The following WDPCP variants were observed in gnomAD, a reference collection of about 807,000 sequenced individuals.
WDPCP encodes WD repeat containing planar cell polarity effector.
In WDPCP, 71 loss-of-function variants were observed where a neutral mutation model predicts 93.1. The observed-to-expected ratio is 0.76, with a 90% CI of 0.63 to 0.93. The LOEUF (loss-of-function observed/expected upper bound fraction) is 0.93. WDPCP is among the 40% of genes least tolerant of loss of function. The pLI is 0.00. For missense variants in WDPCP, 844 were observed against 887.4 expected (o/e 0.95, Z 0.62); for synonymous variants, 315 against 315.0 (o/e 1.00, Z 0.00).
chr2:63,550,598 C>T (rs1283961301), intron 1 of WDPCP, among the ~76,000 whole-genome samples: 2 of 147,208 alleles, frequency 1.4e-5, no homozygotes, highest in Non-Finnish European at 3.1e-5. Context: ...CTTAGGTCCT[C>T]TTCTATCTGC....
chr2:63,148,242 G>A (rs1441145324), intron 17 of WDPCP, among the ~76,000 whole-genome samples: 1 of 152,024 alleles, frequency 6.6e-6, no homozygotes, highest in African/African-American at 2.4e-5. Flanking sequence ...TGGGAGGATG[G>A]CTTGAGCTTG....
chr2:63,314,068 G>A (rs1001350267), intron 12 of WDPCP, among the ~76,000 whole-genome samples: 1 of 150,470 alleles, frequency 6.6e-6, no homozygotes, highest in Non-Finnish European at 1.5e-5. Context: ...TAGTAGAGAT[G>A]GTGATTCACC....
At chr2:63,398,885 C>T (rs1693946842) in intron 10 of WDPCP, among the ~76,000 whole-genome samples, 1 of 152,122 alleles carries the variant, frequency 6.6e-6, no homozygotes, top group African/African-American at 2.4e-5. Context: ...CCAGAATCAG[C>T]ACTGACAAAT....
chr2:63,473,762 T>C (rs1699817589), intron 6 of WDPCP, among the ~76,000 whole-genome samples: 1 of 152,178 alleles, frequency 6.6e-6, no homozygotes, highest in African/African-American at 2.4e-5. Flanking sequence ...TAAGAGGAAA[T>C]GAGAATAATA....
intron 10 of WDPCP, among the ~76,000 whole-genome samples, chr2:63,388,322 A>C (rs1692919386): frequency 6.6e-6 from 1 of 152,144 alleles, no homozygotes; most frequent in African/African-American, 2.4e-5. Flanking sequence ...GACTGTTAGA[A>C]GGAAAACTAA....
chr2:63,177,555 T>G (rs1032439182), intron 14 of WDPCP, among the ~76,000 whole-genome samples: 3 of 152,226 alleles, frequency 2.0e-5, no homozygotes, highest in African/African-American at 7.2e-5. Context: ...GTGTCAGAAA[T>G]GCAATGAATT....
chr2:63,323,602 C>A (rs1186366716), intron 12 of WDPCP, among the ~76,000 whole-genome samples: 3 of 152,260 alleles, frequency 2.0e-5, no homozygotes, highest in African/African-American at 7.2e-5. Flanking sequence ...CCCTCCACTT[C>A]ATTTGGGGGG....
chr2:63,487,252 T>A (rs1700625629), intron 3 of WDPCP, among the ~76,000 whole-genome samples, 195 bp downstream of exon 3: 1 of 152,014 alleles, frequency 6.6e-6, no homozygotes, highest in Admixed American at 6.6e-5. Flanking sequence ...TTCTACAGCA[T>A]TTTCTCGATA....
chr2:63,691,922 A>G (rs1286432409), intron 2 of WDPCP, among the ~76,000 whole-genome samples: 3 of 148,364 alleles, frequency 2.0e-5, no homozygotes, highest in African/African-American at 7.5e-5. Context: ...GTATTTTTCT[A>G]TTCTATTAGC....
In WDPCP at chr2:63,404,261, G is replaced by A. The variant is rs760868650; in HGVS notation, c.1222C>T (p.Leu408=). ...AACAGTTGGATGTTAATAGGGGATAGAGCCATATCAAAAATTTGCAACTCC... is the reference window on the plus strand; with the variant it reads ...AACAGTTGGATGTTAATAGGGGATAAAGCCATATCAAAAATTTGCAACTCC... ...QGELQIFDMA[L]SPINIQLLAE... The change falls in exon 10 of 18, where the codon CTA becomes TTA. Residue 408 remains leucine, a synonymous_variant. Transcript: ENST00000272321. The A allele has an allele frequency of 6.2e-7, 1 of 1,613,972 alleles. No homozygotes were observed. Among genetic ancestry groups the A allele is most frequent in the African/African-American group, 1.3e-5 (1 of 75,040 alleles).
intron 9 of WDPCP, among the ~76,000 whole-genome samples, chr2:63,414,514 C>CAT (rs1308199113): frequency 6.6e-6 from 1 of 151,686 alleles, no homozygotes; most frequent in Non-Finnish European, 1.5e-5. Context: ...TACACACACA[C>CAT]ATATATACAT....
chr2:63,545,184 A>G (rs956964146), intron 1 of WDPCP, among the ~76,000 whole-genome samples: 4 of 152,076 alleles, frequency 2.6e-5, no homozygotes, highest in African/African-American at 9.7e-5. Flanking sequence ...GCTGGTAAGT[A>G]TACCAGTTCT....
intron 12 of WDPCP, among the ~76,000 whole-genome samples, chr2:63,326,033 G>C (rs1213789572): frequency 6.6e-6 from 1 of 152,326 alleles, no homozygotes; most frequent in East Asian, 1.9e-4. Flanking sequence ...CTGTCTTAGT[G>C]TCAGAGGCTA....
At chr2:63,694,737 T>C (rs1668939986) in intron 2 of WDPCP, among the ~76,000 whole-genome samples, 1 of 152,186 alleles carries the variant, frequency 6.6e-6, no homozygotes, top group Admixed American at 6.5e-5. Flanking sequence ...TTGGTTCATA[T>C]TTGTTTAAAA....
At chr2:63,275,122 G>A (rs1682981208) in intron 13 of WDPCP, among the ~76,000 whole-genome samples, 1 of 152,148 alleles carries the variant, frequency 6.6e-6, no homozygotes, top group Admixed American at 6.5e-5. Context: ...ATGATCAAGT[G>A]GGATTTATCC....
chr2:63,840,681 T>C, the WDPCP span, among the ~76,000 whole-genome samples: 3 of 152,330 alleles, frequency 2.0e-5, no homozygotes, highest in East Asian at 5.8e-4. Context: ...CTTTAGTCCC[T>C]AGTCAGCGGG....
chr2:63,708,316 C>G (rs1431915091), intron 2 of WDPCP, among the ~76,000 whole-genome samples: 1 of 152,200 alleles, frequency 6.6e-6, no homozygotes, highest in African/African-American at 2.4e-5. Context: ...CTACTCAATC[C>G]TGGGCAATGG....
At chr2:63,322,229 G>T (rs536157555) in intron 12 of WDPCP, among the ~76,000 whole-genome samples, 5 of 152,160 alleles carry the variant, frequency 3.3e-5, no homozygotes, top group African/African-American at 1.2e-4. Flanking sequence ...TGTCAAAATG[G>T]ACCAATCAGC....
chr2:63,728,987 T>C (rs1036339556), intron 2 of WDPCP, among the ~76,000 whole-genome samples: 1 of 152,198 alleles, frequency 6.6e-6, no homozygotes, highest in South Asian at 2.1e-4. Flanking sequence ...ACTGACACTT[T>C]TAATGGCTTT....
Sources: gnomAD v4.1 joint callset for allele counts (sites outside exome capture counted in the v4.1 genomes callset) on GRCh38, gnomAD v4.1.1 for gene constraint, MANE v1.5 for transcripts, NCBI Gene and HGNC (gene_info 2026-07-23, HGNC 2026-07-21) for gene names.